Variants in COL19A1 observed in about 807,000 individuals in gnomAD.
The protein encoded by COL19A1 is collagen type XIX alpha 1 chain.
Under a neutral mutation model 190.2 loss-of-function variants are expected in COL19A1, and 159 were observed. The observed-to-expected ratio is 0.84, with a 90% CI of 0.73 to 0.95. The LOEUF (loss-of-function observed/expected upper bound fraction) is 0.95. Ranked by LOEUF, COL19A1 falls within the 40% of genes least tolerant of loss-of-function variation. The probability of loss-of-function intolerance (pLI) is 0.00; values close to 1 mark genes in which losing one functional copy is unlikely to be tolerated. For synonymous variants in COL19A1, 509 were observed against 458.9 expected (o/e 1.11, Z -1.39); for missense variants, 1,418 against 1,431.9 (o/e 0.99, Z 0.16).
chr6:69,988,477 A>G (rs117232887), intron 11 of COL19A1, among the ~76,000 whole-genome samples: 2 of 152,192 alleles, frequency 1.3e-5, no homozygotes, highest in East Asian at 3.8e-4. Context: ...AAAACAAATG[A>G]TCGTTGCTAC....
intron 11 of COL19A1, among the ~76,000 whole-genome samples, chr6:70,019,162 G>A (rs1778282233): frequency 6.6e-6 from 1 of 152,048 alleles, no homozygotes; most frequent in East Asian, 1.9e-4. Flanking sequence ...AATAACTTAG[G>A]ATAATAGATG....
At chr6:70,200,082 T>G (rs1293691581) in intron 49 of COL19A1, among the ~76,000 whole-genome samples, 1 of 152,150 alleles carries the variant, frequency 6.6e-6, no homozygotes, top group East Asian at 1.9e-4. Context: ...GGCTTCCCCT[T>G]TTGGTGTAAG....
At chr6:70,145,374 C>A (rs1215848714) in intron 25 of COL19A1, among the ~76,000 whole-genome samples, 2 of 152,080 alleles carry the variant, frequency 1.3e-5, no homozygotes, top group Admixed American at 6.6e-5. Context: ...TCCTTTGCAG[C>A]AACATGGATA....
chr6:69,889,576 C>T (rs924902794), intron 2 of COL19A1, among the ~76,000 whole-genome samples: 54 of 151,688 alleles, frequency 3.6e-4, no homozygotes, highest in African/African-American at 7.0e-4. Context: ...GGATTGTAAA[C>T]GCACCAATCA....
chr6:69,944,198 T>C (rs916802888), intron 9 of COL19A1, among the ~76,000 whole-genome samples: 5 of 152,166 alleles, frequency 3.3e-5, no homozygotes, highest in Admixed American at 6.6e-5. Flanking sequence ...CTGGCATCTC[T>C]ATATAAAAAG....
chr6:69,952,317 T>C (rs778967340), intron 9 of COL19A1, among the ~76,000 whole-genome samples: 3 of 151,868 alleles, frequency 2.0e-5, no homozygotes, highest in Non-Finnish European at 2.9e-5. Context: ...AGATTCTTAA[T>C]CTACCCTGCA....
At chr6:70,206,075 C>G (rs1767830355) in intron 49 of COL19A1, among the ~76,000 whole-genome samples, 1 of 152,216 alleles carries the variant, frequency 6.6e-6, no homozygotes. Context: ...TATACTCATG[C>G]TCTTGCTATC....
chr6:70,123,961 A>T (rs1785042221), intron 17 of COL19A1, among the ~76,000 whole-genome samples: 1 of 151,028 alleles, frequency 6.6e-6, no homozygotes, highest in Admixed American at 6.6e-5. Flanking sequence ...AAAGCATAAT[A>T]ATAATAAATT....
intron 15 of COL19A1, among the ~76,000 whole-genome samples, chr6:70,093,900 G>A (rs933002568): frequency 3.4e-4 from 51 of 152,128 alleles, no homozygotes; most frequent in Admixed American, 2.5e-3. Context: ...AGAGAGATGA[G>A]TAAATACTGG....
intron 14 of COL19A1, among the ~76,000 whole-genome samples, chr6:70,064,188 A>G (rs1179971407): frequency 6.6e-6 from 1 of 152,190 alleles, no homozygotes; most frequent in East Asian, 1.9e-4. Context: ...AGAGAATTTT[A>G]GACCAATATC....
chr6:70,138,961 A>G (rs1453251838), intron 19 of COL19A1, among the ~76,000 whole-genome samples: 1 of 151,944 alleles, frequency 6.6e-6, no homozygotes, highest in Non-Finnish European at 1.5e-5. Flanking sequence ...TCCTCTTACC[A>G]TCTCTTAGCT....
At chr6:70,123,467 C>G (rs1450511916) in intron 17 of COL19A1, among the ~76,000 whole-genome samples, 2 of 150,892 alleles carry the variant, frequency 1.3e-5, no homozygotes, top group Non-Finnish European at 2.9e-5. Context: ...GGTATATACC[C>G]AATGGACTAT....
At chr6:69,976,214 C>T (rs1353756774) in intron 11 of COL19A1, among the ~76,000 whole-genome samples, 1 of 152,148 alleles carries the variant, frequency 6.6e-6, no homozygotes, top group Non-Finnish European at 1.5e-5. Context: ...GTTATCTGCC[C>T]TTAATCTGTC....
rs541348284 is a variant in COL19A1, at chr6:69,999,160, T to A, written c.1027-24467T>A. Among the ~76,000 whole-genome samples, 71 of 151,798 alleles carry A rather than the reference T, an allele frequency of 4.7e-4. 1 individual carries two copies. The highest frequency in any genetic ancestry group is 1.6e-3 in the African/African-American group (65 of 41,512). ...GGCTGGTCTCAAACACCTGACCTCA[T>A]GATCTGCCCACCTCGGCCTCCCAAA... On this transcript the variant is annotated intron_variant, in intron 11 of 50. Transcript: ENST00000620364.
intron 46 of COL19A1, among the ~76,000 whole-genome samples, chr6:70,185,338 C>T (rs910493761): frequency 2.0e-5 from 3 of 152,140 alleles, no homozygotes; most frequent in Admixed American, 2.0e-4. Context: ...CCTTCATCCA[C>T]TAGATGCAGT....
At chr6:70,143,967 C>T (rs1401689364) in intron 23 of COL19A1, among the ~76,000 whole-genome samples, 2 of 152,054 alleles carry the variant, frequency 1.3e-5, no homozygotes, top group African/African-American at 4.8e-5. Flanking sequence ...ATGGGTGAGA[C>T]GTTCGGTTCA....
At chr6:70,078,542 C>T (rs1471541957) in intron 15 of COL19A1, among the ~76,000 whole-genome samples, 1 of 152,120 alleles carries the variant, frequency 6.6e-6, no homozygotes, top group Non-Finnish European at 1.5e-5. Context: ...AGTAACTTCC[C>T]AGTATCTCCA....
intron 14 of COL19A1, chr6:70,059,918 A>G (rs746609147): frequency 3.3e-5 from 11 of 335,598 alleles, no homozygotes; most frequent in Admixed American, 8.7e-5. Flanking sequence ...AGCAAATTAA[A>G]TTGAAGAAGA....
chr6:70,119,445 T>G (rs1447549220), intron 16 of COL19A1, among the ~76,000 whole-genome samples: 1 of 152,182 alleles, frequency 6.6e-6, no homozygotes, highest in Non-Finnish European at 1.5e-5. Context: ...TTTTGTTGAT[T>G]TTTTTTCAAT....
Sources: gnomAD v4.1 joint callset for allele counts (sites outside exome capture counted in the v4.1 genomes callset) on GRCh38, gnomAD v4.1.1 for gene constraint, MANE v1.5 for transcripts, NCBI Gene and HGNC (gene_info 2026-07-23, HGNC 2026-07-21) for gene names.